Variants in PDGFD observed in about 807,000 individuals in gnomAD.
PDGFD encodes the protein platelet derived growth factor D.
In PDGFD, 30 loss-of-function variants were observed where a neutral mutation model predicts 44.7. The observed-to-expected ratio is 0.67, with a 90% CI of 0.50 to 0.91. The LOEUF (loss-of-function observed/expected upper bound fraction) is 0.91. Ranked by LOEUF, PDGFD falls within the 40% of genes least tolerant of loss-of-function variation. The pLI, the probability that PDGFD is intolerant of heterozygous loss-of-function variation, is 0.00. For missense variants in PDGFD, 445 were observed against 457.8 expected (o/e 0.97, Z 0.25); for synonymous variants, 173 against 168.4 (o/e 1.03, Z -0.21).
chr11:103,921,876 A>AGGCCGGGCGCAGTGGCTCACGCCTGT (rs1591077165), intron 6 of PDGFD, among the ~76,000 whole-genome samples: 1 of 148,828 alleles, frequency 6.7e-6, no homozygotes, highest in Non-Finnish European at 1.5e-5. Context: ...TCAATTAGTT[A>AGGCCGGGCGCAGTGGCTCACGCCTGT]AAACTAAATA....
At chr11:103,960,977 G>A (rs1858926875) in intron 3 of PDGFD, among the ~76,000 whole-genome samples, 1 of 152,112 alleles carries the variant, frequency 6.6e-6, no homozygotes, top group Admixed American at 6.5e-5. Flanking sequence ...CCAACAGAGT[G>A]GAGATTAGGA....
chr11:104,113,826 C>T (rs11226171), intron 1 of PDGFD, among the ~76,000 whole-genome samples: 19,403 of 151,850 alleles, frequency 0.13, 1,355 homozygotes, highest in East Asian at 0.29. Context: ...AGGTATGTAG[C>T]GGTATCTCAC....
At chr11:103,983,435 A>G (rs260837) in intron 3 of PDGFD, among the ~76,000 whole-genome samples, 76,493 of 151,374 alleles carry the variant, frequency 0.51, 19,985 homozygotes, top group South Asian at 0.61. Context: ...TGGATTAATG[A>G]CTAAAATATA....
At chr11:104,055,026 T>C (rs975287809) in intron 1 of PDGFD, among the ~76,000 whole-genome samples, 1 of 152,234 alleles carries the variant, frequency 6.6e-6, no homozygotes, top group Non-Finnish European at 1.5e-5. Context: ...TTATTTATTT[T>C]AATGTTAATG....
intron 1 of PDGFD, among the ~76,000 whole-genome samples, chr11:104,106,219 G>A (rs7948877): frequency 0.37 from 56,000 of 151,878 alleles, 10,544 homozygotes; most frequent in Middle Eastern, 0.55. Flanking sequence ...AACAAGATGA[G>A]GTAATTCCAA....
intron 6 of PDGFD, among the ~76,000 whole-genome samples, chr11:103,915,163 G>T (rs1481772322): frequency 2.0e-5 from 3 of 152,172 alleles, no homozygotes; most frequent in Non-Finnish European, 4.4e-5. Context: ...TATTGTCTCT[G>T]TTTGCAGATG....
chr11:104,057,083 G>A (rs192789286), intron 1 of PDGFD, among the ~76,000 whole-genome samples: 1,802 of 152,232 alleles, frequency 0.012, 34 homozygotes, highest in Middle Eastern at 0.027. Context: ...AGCCCAGATC[G>A]AGCCACTGCA....
chr11:104,118,532 G>A (rs1196486615), intron 1 of PDGFD, among the ~76,000 whole-genome samples: 1 of 150,830 alleles, frequency 6.6e-6, no homozygotes, highest in African/African-American at 2.4e-5. Context: ...TCATTTTCTT[G>A]TCCAATGGCA....
At chr11:104,129,539 A>C (rs1861887022) in intron 1 of PDGFD, among the ~76,000 whole-genome samples, 1 of 152,188 alleles carries the variant, frequency 6.6e-6, no homozygotes, top group Non-Finnish European at 1.5e-5. Context: ...CCACCTTGCT[A>C]TAATGGTTGC....
intron 1 of PDGFD, among the ~76,000 whole-genome samples, chr11:104,087,776 G>A (rs1043975611): frequency 6.6e-6 from 1 of 152,140 alleles, no homozygotes; most frequent in Non-Finnish European, 1.5e-5. Flanking sequence ...TTCATGCCTT[G>A]GTGCTGTGCC....
At chr11:103,952,393 G>C (rs1426723319) in intron 3 of PDGFD, among the ~76,000 whole-genome samples, 1 of 152,152 alleles carries the variant, frequency 6.6e-6, no homozygotes, top group Non-Finnish European at 1.5e-5. Context: ...CTAGAGGCTG[G>C]TACACAGCTT....
intron 1 of PDGFD, among the ~76,000 whole-genome samples, chr11:104,159,181 G>A (rs1015703976): frequency 7.1e-6 from 1 of 140,590 alleles, no homozygotes; most frequent in African/African-American, 2.6e-5. Context: ...AAAACTATTT[G>A]TCTGCTACCT....
intron 4 of PDGFD, among the ~76,000 whole-genome samples, chr11:103,943,870 CCAA>C (rs1565291087): frequency 6.6e-6 from 1 of 152,028 alleles, no homozygotes. Context: ...TAAATCAAAT[CCAA>C]GTAGATCAGA....
chr11:104,130,600 T>C (rs1221011774), intron 1 of PDGFD, among the ~76,000 whole-genome samples: 1 of 152,176 alleles, frequency 6.6e-6, no homozygotes, highest in Non-Finnish European at 1.5e-5. Context: ...TACTCAACTA[T>C]ACTAGCCTTC....
At chr11:104,037,845 C>T (rs758555733) in intron 1 of PDGFD, 3 of 1,614,100 alleles carry the variant, frequency 1.9e-6, no homozygotes, top group Non-Finnish European at 2.5e-6. Context: ...ATCAATGTTC[C>T]ATCGATTTGA....
intron 1 of PDGFD, among the ~76,000 whole-genome samples, chr11:104,019,649 C>A (rs1859920405): frequency 6.6e-6 from 1 of 152,012 alleles, no homozygotes; most frequent in Non-Finnish European, 1.5e-5. Flanking sequence ...TGTTAAGATT[C>A]TTTCTGAAAT....
At chr11:104,022,662 T>C (rs149856359) in intron 1 of PDGFD, among the ~76,000 whole-genome samples, 472 of 152,188 alleles carry the variant, frequency 3.1e-3, no homozygotes, top group African/African-American at 0.01. Flanking sequence ...AAATTTAGTA[T>C]ATATATTTGA....
Position 103,907,597 on chromosome 11 carries a change from A to C in PDGFD, c.*2097T>G, listed in dbSNP as rs1857955870. 6.6e-6 allele frequency: 1 copy of C among 152,250 alleles called. No homozygotes were observed. 9.4% of individuals were successfully genotyped at this position (152,250 alleles called of 1,614,324 possible). A position where few individuals can be genotyped will look rare whatever the true frequency, so the allele number is the denominator to read the frequency against. ...ATTTCAGCTAATAAATAAAAAGTGC[A>C]GATAGGGCTTTAACTGAAAACCTTG... On this transcript the variant is annotated 3_prime_UTR_variant, in exon 7 of 7. Transcript: ENST00000393158.
In PDGFD at chr11:104,075,454, A is replaced by G. The variant is rs1860943005; in HGVS notation, c.125-75199T>C. Among the ~76,000 whole-genome samples the G allele has an allele frequency of 2.0e-5, 3 of 151,474 alleles. No individual in the cohort carries two copies. The South Asian group carries it at 6.2e-4, about 32-fold the overall frequency. On this transcript the variant is annotated intron_variant, in intron 1 of 6. Coordinates refer to ENST00000393158, the MANE Select transcript of PDGFD (RefSeq NM_025208.5). Reference sequence around the variant, plus strand: ...TCATATCAGTTGTTAGCTAATAGAGACTGTACTTTGGTGATGGCATAATTT... The same window carrying G: ...TCATATCAGTTGTTAGCTAATAGAGGCTGTACTTTGGTGATGGCATAATTT...
Sources: allele counts gnomAD v4.1 joint callset (sites outside exome capture counted in the v4.1 genomes callset), GRCh38; gene constraint gnomAD v4.1.1; transcripts MANE v1.5; gene names NCBI Gene and HGNC (gene_info 2026-07-23, HGNC 2026-07-21).